Variants in ANKRD34C observed in about 807,000 individuals in gnomAD.
ANKRD34C encodes the protein ankyrin repeat domain-containing protein 34C.
For missense variants in ANKRD34C, 563 were observed against 653.0 expected (o/e 0.86, Z 1.50); for synonymous variants, 260 against 253.6 (o/e 1.03, Z -0.24).
At position 79,295,985 on chromosome 15, in the gene ANKRD34C, C is replaced by A. The variant is rs1473770510; in HGVS notation, c.*1093C>A. On this transcript the variant is annotated 3_prime_UTR_variant, in exon 2 of 2. Coordinates refer to ENST00000421388, the MANE Select transcript of ANKRD34C (RefSeq NM_001146341.2). ...GATTTGTAGAAATAACCTGCACAAC[C>A]CTTTTAGGCTGCTTTGAGCAAATCC... 1 of 167,002 alleles carries A rather than the reference C, an allele frequency of 6.0e-6. No individual in the cohort carries two copies. Among genetic ancestry groups the A allele is most frequent in the Non-Finnish European group, 1.5e-5 (1 of 68,102 alleles). 10.3% of individuals were successfully genotyped at this position (167,002 alleles called of 1,614,324 possible). A position where few individuals can be genotyped will look rare whatever the true frequency, so the allele number is the denominator to read the frequency against.
intron 1 of ANKRD34C, among the ~76,000 whole-genome samples, 177 bp from the exon 2 acceptor site, chr15:79,293,064 C>T (rs951346766): frequency 1.3e-5 from 2 of 152,292 alleles, no homozygotes; most frequent in Non-Finnish European, 2.9e-5. Flanking sequence ...ACCCCCCCTG[C>T]GTCATGACAC....
chr15:79,287,223 C>G (rs936947177), intron 1 of ANKRD34C, among the ~76,000 whole-genome samples: 1 of 152,198 alleles, frequency 6.6e-6, no homozygotes, highest in African/African-American at 2.4e-5. Context: ...TGAATTCCAG[C>G]TCCACAGCAT....
rs1215492796 is a variant in ANKRD34C at position 79,297,643 on chromosome 15, G to T, written c.*2751G>T. Reference sequence around the variant, plus strand: ...GTATCTTATCTCATCACTACTTGACGATGAGTTCGCCGAATTAGACTGTTC... The same window carrying T: ...GTATCTTATCTCATCACTACTTGACTATGAGTTCGCCGAATTAGACTGTTC... On this transcript the variant is annotated 3_prime_UTR_variant, in exon 2 of 2. Coordinates refer to ENST00000421388, the MANE Select transcript of ANKRD34C (RefSeq NM_001146341.2). 6.0e-6 allele frequency: 1 copy of T among 167,038 alleles called. No homozygotes were observed. The highest frequency in any genetic ancestry group is 2.4e-5 in the African/African-American group (1 of 41,422). The allele number at this position is 167,038 out of a possible 1,614,324, so 10.3% of individuals were successfully genotyped here.
intron 1 of ANKRD34C, among the ~76,000 whole-genome samples, 123 bp downstream of exon 1, chr15:79,283,351 T>TGTG (rs2058634224): frequency 2.0e-5 from 3 of 152,312 alleles, no homozygotes; most frequent in Admixed American, 6.5e-5. Context: ...AGCTTGCTTT[T>TGTG]ATCACAGGAA....
At chr15:79,285,805 T>C (rs1596038316) in intron 1 of ANKRD34C, among the ~76,000 whole-genome samples, 1 of 152,174 alleles carries the variant, frequency 6.6e-6, no homozygotes, top group African/African-American at 2.4e-5. Context: ...ACATCGGCTG[T>C]CAGACCTTTA....
intron 1 of ANKRD34C, among the ~76,000 whole-genome samples, chr15:79,290,440 T>C (rs2141201792): frequency 6.6e-6 from 1 of 152,286 alleles, no homozygotes; most frequent in African/African-American, 2.4e-5. Flanking sequence ...GCCCAGGCCC[T>C]GGGTGTTTCT....
intron 1 of ANKRD34C, among the ~76,000 whole-genome samples, chr15:79,287,732 C>T (rs796101401): frequency 9.2e-5 from 14 of 152,318 alleles, no homozygotes; most frequent in African/African-American, 3.4e-4. Flanking sequence ...GTTGAAACTT[C>T]AGAGGAAGGA....
chr15:79,286,506 A>G (rs761530342), intron 1 of ANKRD34C, among the ~76,000 whole-genome samples: 3 of 152,176 alleles, frequency 2.0e-5, no homozygotes, highest in Non-Finnish European at 4.4e-5. Context: ...TTCCAGTATT[A>G]GGTGTTCTTA....
chr15:79,288,411 A>G lies in ANKRD34C; in HGVS notation c.-44-4830A>G, dbSNP rs367675642. On this transcript the variant is annotated intron_variant, in intron 1 of 1. Transcript: ENST00000421388. ...TTGGAACAGGAAATTGGGTGAGGAG[A>G]GGGAGAAGCATTTATGTAATATCTC... Among the ~76,000 whole-genome samples the G allele has an allele frequency of 9.2e-5, 14 of 152,274 alleles. No homozygotes were observed. The East Asian group carries it at 1.9e-3, about 21-fold the overall frequency.
intron 1 of ANKRD34C, 51 bp from the exon 2 acceptor site, chr15:79,293,190 C>A (rs1041667411): frequency 1.5e-6 from 2 of 1,303,538 alleles, no homozygotes; most frequent in Non-Finnish European, 2.1e-6. Context: ...CCATGCTGCA[C>A]AGATCTGTTA....
intron 1 of ANKRD34C, among the ~76,000 whole-genome samples, chr15:79,285,536 G>A (rs1372470516): frequency 1.3e-5 from 2 of 152,166 alleles, no homozygotes; most frequent in African/African-American, 4.8e-5. Context: ...TAACAACTCT[G>A]AAGAGATAAG....
chr15:79,287,105 C>T (rs138669443), intron 1 of ANKRD34C, among the ~76,000 whole-genome samples: 43 of 152,284 alleles, frequency 2.8e-4, no homozygotes, highest in African/African-American at 9.6e-4. Context: ...ACTCATGTCT[C>T]CTTGTTTTAT....
intron 1 of ANKRD34C, among the ~76,000 whole-genome samples, chr15:79,288,463 C>T (rs1250756019): frequency 1.3e-5 from 2 of 152,170 alleles, no homozygotes; most frequent in Non-Finnish European, 2.9e-5. Context: ...TTCTATTGGT[C>T]AACATCTGTT....
chr15:79,291,259 C>T (rs1288827657), intron 1 of ANKRD34C, among the ~76,000 whole-genome samples: 1 of 152,092 alleles, frequency 6.6e-6, no homozygotes, highest in Non-Finnish European at 1.5e-5. Context: ...AAGAATCGTG[C>T]ATTTGAGAAA....
At position 79,297,132 on chromosome 15, in the gene ANKRD34C, G is replaced by A. The variant is rs1237034802; in HGVS notation, c.*2240G>A. The A allele has an allele frequency of 6.0e-6, 1 of 166,852 alleles. No homozygotes were observed. The highest frequency in any genetic ancestry group is 1.5e-5 in the Non-Finnish European group (1 of 68,112). The allele number at this position is 166,852 out of a possible 1,614,324, so 10.3% of individuals were successfully genotyped here. On this transcript the variant is annotated 3_prime_UTR_variant, in exon 2 of 2. Transcript: ENST00000421388. ...AGTGTGGACAACCCTGTTCTTTTCAGAACTATTTAATCATTAATAGTTCTT... is the reference window on the plus strand; with the variant it reads ...AGTGTGGACAACCCTGTTCTTTTCAAAACTATTTAATCATTAATAGTTCTT...
Position 79,294,883 on chromosome 15 carries a change from C to A in ANKRD34C, c.1599C>A (p.Ile533=). 6.5e-7 allele frequency: 1 copy of A among 1,538,106 alleles called. No individual in the cohort carries two copies. ...AACAGCTGTCTGATTTTGAAGAAAT[C>A]ATGACCTAGAAGCTTTAGAAAGGCT... ...QMKQLSDFEE[I]MT The change falls in exon 2 of 2, where the codon ATC becomes ATA. Residue 533 remains isoleucine (I), a synonymous_variant. Transcript: ENST00000421388.
rs2058662136 is a variant in ANKRD34C, at chr15:79,292,447, C to T, written c.-44-794C>T. 2.6e-5 allele frequency among the ~76,000 whole-genome samples: 4 copies of T among 152,186 alleles called. No homozygotes were observed. The South Asian group carries it at 8.3e-4, about 31-fold the overall frequency. ...TAACATTTGTGAACAAAAATGCAAT[C>T]CTCTTCTCCATTCTCTGCCTCCTAT... On this transcript the variant is annotated intron_variant, in intron 1 of 1. Coordinates refer to ENST00000421388, the MANE Select transcript of ANKRD34C (RefSeq NM_001146341.2).
Position 79,293,604 on chromosome 15 carries a change from A to G in ANKRD34C, c.320A>G (p.Glu107Gly). ...AGGEVVSLLL[E>G]NGADPSLEDR... ...GGAGAAGTGGTCTCCTTATTACTGG[A>G]GAATGGAGCAGACCCCAGCCTTGAA... Residue 107 changes from glutamate to glycine, a missense_variant, in exon 2 of 2, where the codon GAG (glutamate) becomes GGG (glycine). By Grantham distance (98) the Glu-to-Gly change is moderately conservative (BLOSUM62 -2). Transcript: ENST00000421388. 6.4e-7 allele frequency: 1 copy of G among 1,551,676 alleles called. No individual in the cohort carries two copies. Among genetic ancestry groups the G allele is most frequent in the African/African-American group, 1.4e-5 (1 of 73,170 alleles).
chr15:79,294,867 C>A lies in ANKRD34C; in HGVS notation c.1583C>A (p.Ser528Tyr). 6.5e-7 allele frequency: 1 copy of A among 1,541,504 alleles called. No individual in the cohort carries two copies. Among genetic ancestry groups the A allele is most frequent in the South Asian group, 1.2e-5 (1 of 81,682 alleles). ...CAAATTGAACAAATGAAACAGCTGT[C>A]TGATTTTGAAGAAATCATGACCTAG... ...SMQIEQMKQLSDFEEIMT is the reference protein window; with the variant it reads ...SMQIEQMKQLYDFEEIMT The change falls in exon 2 of 2, where the codon TCT becomes TAT. Residue 528 changes from serine to tyrosine, a missense_variant. Coordinates refer to ENST00000421388, the MANE Select transcript of ANKRD34C (RefSeq NM_001146341.2).
Sources: allele counts gnomAD v4.1 joint callset (sites outside exome capture counted in the v4.1 genomes callset), GRCh38; gene constraint gnomAD v4.1.1; transcripts MANE v1.5; gene names NCBI Gene and HGNC (gene_info 2026-07-23, HGNC 2026-07-21).